The following IBTK variants were observed in gnomAD, a reference collection of about 807,000 sequenced individuals.
IBTK encodes the protein inhibitor of Bruton tyrosine kinase.
Under a neutral mutation model 154.9 loss-of-function variants are expected in IBTK, and 83 were observed. That is an observed-to-expected ratio of 0.54 (90% CI 0.45 to 0.64). The LOEUF is 0.64. IBTK is among the 30% of genes least tolerant of loss of function. The pLI, the probability that IBTK is intolerant of heterozygous loss-of-function variation, is 0.00. For synonymous variants in IBTK, 515 were observed against 536.1 expected (o/e 0.96, Z 0.54); for missense variants, 1,332 against 1,584.6 (o/e 0.84, Z 2.71).
At chr6:82,193,435 A>C (rs1272312033) in intron 23 of IBTK, among the ~76,000 whole-genome samples, 1 of 152,220 alleles carries the variant, frequency 6.6e-6, no homozygotes, top group Non-Finnish European at 1.5e-5. Flanking sequence ...ATGCAAAAAA[A>C]AAAATTGAAA....
chr6:82,242,936 A>AAAAAC (rs375872671), intron 1 of IBTK, among the ~76,000 whole-genome samples: 74 of 151,208 alleles, frequency 4.9e-4, no homozygotes, highest in South Asian at 1.7e-3. Context: ...ACTCTGTCTC[A>AAAAAC]AAAACAAAAC....
chr6:82,190,816 T>C (rs945409036), intron 25 of IBTK, among the ~76,000 whole-genome samples: 1 of 152,042 alleles, frequency 6.6e-6, no homozygotes, highest in African/African-American at 2.4e-5. Flanking sequence ...GAAAAATATA[T>C]CCACATTTTG....
In IBTK at chr6:82,205,135, T is replaced by C. The variant is rs1455370212; in HGVS notation, c.2510-177A>G. ...TTTCTAAATGTTGAAAGGGCAACCA[T>C]AATAAAAAGTAAATACATCAAAATA... On this transcript the variant is annotated intron_variant, in intron 16 of 28. Transcript: ENST00000306270. 9 of 410,238 alleles carry C rather than the reference T, an allele frequency of 2.2e-5. No homozygotes were observed. The East Asian group carries it at 3.4e-4, about 15-fold the overall frequency. The allele number at this position is 410,238 out of a possible 1,614,324, so 25.4% of individuals were successfully genotyped here.
rs147460013 is a variant in IBTK, at chr6:82,201,680, A to C, written c.2730-198T>G. Among the ~76,000 whole-genome samples the C allele has an allele frequency of 4.2e-3, 638 of 152,306 alleles. 25 individuals carry two copies. Among genetic ancestry groups the C allele is most frequent in the Admixed American group, 0.039 (600 of 15,290 alleles). On this transcript the variant is annotated intron_variant, in intron 18 of 28. Coordinates refer to ENST00000306270, the MANE Select transcript of IBTK (RefSeq NM_015525.4). ...ACATATTTCAAATAAACAGCAAAGC[A>C]AACATATTACACAAATATCTTGAAT... is the stretch of plus-strand genomic sequence containing the variant.
chr6:82,240,354 C>G lies in IBTK; in HGVS notation c.133G>C (p.Ala45Pro), dbSNP rs1196401545. Residue 45 changes from alanine to proline, a missense_variant, in exon 2 of 29, where the codon GCA (alanine) becomes CCA (proline). Coordinates refer to ENST00000306270, the MANE Select transcript of IBTK (RefSeq NM_015525.4). The part of the protein sequence containing the change: ...AFLSSHCYNA[A>P]TIKDVFGRNA... ...CTGCCAAAAACATCCTTGATAGTTGCAGCATTGTAACAATGACTGGAGAGA... is the reference window on the plus strand; with the variant it reads ...CTGCCAAAAACATCCTTGATAGTTGGAGCATTGTAACAATGACTGGAGAGA... The G allele has an allele frequency of 6.2e-7, 1 of 1,614,046 alleles. No homozygotes were observed. Among genetic ancestry groups the G allele is most frequent in the Admixed American group, 1.7e-5 (1 of 60,002 alleles).
chr6:82,234,308 T>A, intron 2 of IBTK, 53 bp from the exon 3 acceptor site: 1 of 623,480 alleles, frequency 1.6e-6, no homozygotes, highest in Non-Finnish European at 2.4e-6. Flanking sequence ...ATTAATTACC[T>A]ATATCATCAG....
Position 82,240,235 on chromosome 6 carries a change from C to A in IBTK, c.252G>T (p.Glu84Asp). 1 of 1,614,200 alleles carries A rather than the reference C, an allele frequency of 6.2e-7. No individual in the cohort carries two copies. Among genetic ancestry groups the A allele is most frequent in the Non-Finnish European group, 8.5e-7 (1 of 1,180,032 alleles). Residue 84 changes from glutamate (E) to aspartate (D), a missense_variant, in exon 2 of 29, where the codon GAG (glutamate) becomes GAT (aspartate). Glu to Asp is a conservative substitution (Grantham distance 45). Transcript: ENST00000306270. ...TTCTGTGCAATGCTGTCCATCCAGA[C>A]TCTTTGTCTTTCACCAACAGATCCA... The part of the protein sequence containing the change: ...KGVDLLVKDK[E>D]SGWTALHRSI...
chr6:82,231,980 T>C (rs944290594), intron 3 of IBTK, 138 bp from the exon 4 acceptor site: 1 of 514,734 alleles, frequency 1.9e-6, no homozygotes, highest in Non-Finnish European at 3.3e-6. Context: ...ATTCTAGAAA[T>C]AGAAAATCCA....
intron 11 of IBTK, 47 bp downstream of exon 11, chr6:82,216,029 A>C (rs2127816344): frequency 7.0e-7 from 1 of 1,423,302 alleles, no homozygotes; most frequent in Non-Finnish European, 9.6e-7. Flanking sequence ...AAGAAAATTC[A>C]GTGATTGTTC....
intron 26 of IBTK, among the ~76,000 whole-genome samples, chr6:82,178,648 T>C (rs1768203282): frequency 6.6e-6 from 1 of 152,064 alleles, no homozygotes; most frequent in African/African-American, 2.4e-5. Context: ...TAATTAAACA[T>C]ACAAACATGA....
intron 5 of IBTK, among the ~76,000 whole-genome samples, chr6:82,226,650 A>C (rs1447065772): frequency 6.7e-6 from 1 of 148,162 alleles, no homozygotes; most frequent in Non-Finnish European, 1.5e-5. Flanking sequence ...CTTGTTGCCC[A>C]GGCTGGAGTG....
intron 28 of IBTK, 70 bp downstream of exon 28, chr6:82,172,310 G>A (rs879047804): frequency 9.4e-6 from 14 of 1,482,166 alleles, no homozygotes; most frequent in South Asian, 2.6e-5. Context: ...AAACAAACAC[G>A]ATTTTCTTAA....
intron 9 of IBTK, among the ~76,000 whole-genome samples, chr6:82,218,375 GGCACTC>G (rs1769948595): frequency 6.6e-6 from 1 of 152,050 alleles, no homozygotes; most frequent in Non-Finnish European, 1.5e-5. Context: ...TTATTTCAAA[GGCACTC>G]CTCTTAAGAA....
At chr6:82,204,797 A>C in intron 17 of IBTK, 60 bp downstream of exon 17, 1 of 1,056,358 alleles carries the variant, frequency 9.5e-7, no homozygotes, top group Non-Finnish European at 1.4e-6. Flanking sequence ...AAGTCAATAA[A>C]GTACAGTAAT....
chr6:82,211,685 T>C (rs1467291759), intron 13 of IBTK, 113 bp from the exon 14 acceptor site: 1 of 769,296 alleles, frequency 1.3e-6, no homozygotes, highest in Non-Finnish European at 2.2e-6. Context: ...AGAGAATAAA[T>C]AACTTGCAGG....
chr6:82,173,347 A>C lies in IBTK; in HGVS notation c.3797+20T>G, dbSNP rs1346400086. 23 of 1,585,860 alleles carry C rather than the reference A, an allele frequency of 1.5e-5. No homozygotes were observed. Among genetic ancestry groups the C allele is most frequent in the Non-Finnish European group, 1.9e-5 (22 of 1,155,516 alleles). On this transcript the variant is annotated intron_variant, in intron 27 of 28. Coordinates refer to ENST00000306270, the MANE Select transcript of IBTK (RefSeq NM_015525.4). ...CAGCAACTTAGCTTTGGAGGCCCAT[A>C]ACTTATCAATTAACCTTACTTGGGA...
intron 25 of IBTK, among the ~76,000 whole-genome samples, chr6:82,188,008 T>A (rs1393645292): frequency 6.6e-6 from 1 of 151,784 alleles, no homozygotes; most frequent in Non-Finnish European, 1.5e-5. Context: ...ATGTACACCT[T>A]AACAGCAAAA....
At chr6:82,239,002 T>C (rs1484481246) in intron 2 of IBTK, among the ~76,000 whole-genome samples, 1 of 151,354 alleles carries the variant, frequency 6.6e-6, no homozygotes, top group Non-Finnish European at 1.5e-5. Context: ...GCCTCCAAAG[T>C]GCTAGGATTA....
intron 4 of IBTK, 53 bp from the exon 5 acceptor site, chr6:82,227,355 A>C: frequency 9.5e-7 from 1 of 1,050,274 alleles, no homozygotes; most frequent in Non-Finnish European, 1.4e-6. Flanking sequence ...AATATCCTTT[A>C]TTTTATGAAA....
Sources: gnomAD v4.1 joint callset for allele counts (sites outside exome capture counted in the v4.1 genomes callset) on GRCh38, gnomAD v4.1.1 for gene constraint, MANE v1.5 for transcripts, NCBI Gene and HGNC (gene_info 2026-07-23, HGNC 2026-07-21) for gene names.